The following DPPA2 variants were observed in gnomAD, a reference collection of about 807,000 sequenced individuals.
DPPA2 encodes the protein developmental pluripotency associated 2.
DPPA2 carries 26 observed loss-of-function variants against 36.2 expected under a neutral mutation model. The observed-to-expected ratio is 0.72, with a 90% CI of 0.53 to 1.00. The LOEUF is 1.00. Ranked by LOEUF, DPPA2 falls within the 50% of genes least tolerant of loss-of-function variation. The pLI is 0.00. For synonymous variants in DPPA2, 113 were observed against 123.2 expected, an observed-to-expected ratio of 0.92 and a Z score of 0.55; for missense variants, 361 against 365.1, an observed-to-expected ratio of 0.99 and a Z score of 0.09.
chr3:109,308,575 C>T (rs1707625671), intron 5 of DPPA2, among the ~76,000 whole-genome samples: 1 of 152,130 alleles, frequency 6.6e-6, no homozygotes, highest in East Asian at 1.9e-4. Flanking sequence ...TTGGTCAGGC[C>T]GGTCTCGAAC....
At chr3:109,312,791 TAGGTGG>T in intron 2 of DPPA2, 99 bp from the exon 3 acceptor site, 1 of 1,386,222 alleles carries the variant, frequency 7.2e-7, no homozygotes, top group Non-Finnish European at 9.8e-7. Context: ...GAGAAGACAG[TAGGTGG>T]ATGGAGAAAA....
intron 6 of DPPA2, among the ~76,000 whole-genome samples, chr3:109,306,440 A>G (rs944815100): frequency 1.3e-5 from 2 of 152,194 alleles, no homozygotes; most frequent in African/African-American, 4.8e-5. Context: ...TTCAACTTCA[A>G]GTCTTCCTTC....
chr3:109,296,583 G>A (rs962006787), intron 8 of DPPA2, among the ~76,000 whole-genome samples: 2 of 152,216 alleles, frequency 1.3e-5, no homozygotes, highest in Admixed American at 6.5e-5. Flanking sequence ...GCTGAGACAG[G>A]AGAATTGTTT....
At chr3:109,299,339 C>T (rs902836235) in intron 8 of DPPA2, among the ~76,000 whole-genome samples, 67 of 152,026 alleles carry the variant, frequency 4.4e-4, no homozygotes, top group African/African-American at 1.6e-3. Flanking sequence ...GGCAAAACCC[C>T]GTTTCTACTA....
chr3:109,298,467 C>G (rs576674938), intron 8 of DPPA2, among the ~76,000 whole-genome samples: 1 of 151,866 alleles, frequency 6.6e-6, no homozygotes, highest in Non-Finnish European at 1.5e-5. Flanking sequence ...GTAATCCCAG[C>G]CCTTTGGGAG....
At chr3:109,294,890 C>T (rs961947857) in intron 8 of DPPA2, among the ~76,000 whole-genome samples, 1 of 152,040 alleles carries the variant, frequency 6.6e-6, no homozygotes, top group Non-Finnish European at 1.5e-5. Flanking sequence ...GCATGGTGGC[C>T]AGTGCCTGTA....
chr3:109,296,569 G>T (rs1188305952), intron 8 of DPPA2, among the ~76,000 whole-genome samples: 1 of 152,144 alleles, frequency 6.6e-6, no homozygotes, highest in Non-Finnish European at 1.5e-5. Context: ...CAGCTGCTTG[G>T]GAGGCTGAGA....
At chr3:109,302,704 G>A (rs1028162739) in intron 7 of DPPA2, among the ~76,000 whole-genome samples, 5 of 149,590 alleles carry the variant, frequency 3.3e-5, no homozygotes, top group Admixed American at 1.3e-4. Context: ...CGCCCGCCTC[G>A]GTCTCCCAAA....
intron 3 of DPPA2, 31 bp downstream of exon 3, chr3:109,312,514 G>C (rs1553694645): frequency 6.3e-7 from 1 of 1,592,314 alleles, no homozygotes; most frequent in Non-Finnish European, 8.6e-7. Flanking sequence ...AGTTGTAGGA[G>C]TAACTAACTG....
At chr3:109,296,903 A>T (rs1393817750) in intron 8 of DPPA2, among the ~76,000 whole-genome samples, 1 of 152,068 alleles carries the variant, frequency 6.6e-6, no homozygotes, top group Non-Finnish European at 1.5e-5. Flanking sequence ...CCTGGGCAAC[A>T]TGGCAAAACC....
intron 2 of DPPA2, among the ~76,000 whole-genome samples, chr3:109,313,572 T>C (rs1428819408): frequency 6.6e-6 from 1 of 152,176 alleles, no homozygotes; most frequent in Non-Finnish European, 1.5e-5. Context: ...AGTATACTTG[T>C]AGTAATTTAT....
intron 8 of DPPA2, among the ~76,000 whole-genome samples, chr3:109,295,028 A>C (rs1707327055): frequency 6.6e-6 from 1 of 152,170 alleles, no homozygotes; most frequent in Non-Finnish European, 1.5e-5. Context: ...TCTCAAAACA[A>C]ACAAAAAACC....
chr3:109,302,754 C>CA (rs71629389), intron 7 of DPPA2, among the ~76,000 whole-genome samples: 32,978 of 93,824 alleles, frequency 0.35, 4,301 homozygotes, highest in Middle Eastern at 0.43. Flanking sequence ...AGCCCACTTA[C>CA]AAAAAAAAAA....
At chr3:109,310,372 C>T (rs1464148270) in intron 3 of DPPA2, among the ~76,000 whole-genome samples, 1 of 132,300 alleles carries the variant, frequency 7.6e-6, no homozygotes, top group Non-Finnish European at 1.5e-5. Flanking sequence ...CACACCACAG[C>T]ACTCCAGCCT....
At chr3:109,297,481 G>A (rs549433279) in intron 8 of DPPA2, among the ~76,000 whole-genome samples, 1 of 149,928 alleles carries the variant, frequency 6.7e-6, no homozygotes, top group African/African-American at 2.5e-5. Flanking sequence ...CTGAGATCAC[G>A]CCACTGCACT....
chr3:109,304,434 C>G, intron 7 of DPPA2, 41 bp downstream of exon 7: 2 of 1,544,786 alleles, frequency 1.3e-6, no homozygotes, highest in Non-Finnish European at 1.7e-6. Context: ...TATACACCTA[C>G]TTTTCTGTGT....
rs1426821018 is a variant in DPPA2 at position 109,316,516 on chromosome 3, C to T, written c.-246G>A. 3 of 152,192 alleles carry T rather than the reference C, an allele frequency of 2.0e-5. No individual in the cohort carries two copies. The highest frequency in any genetic ancestry group is 6.5e-5 in the Admixed American group (1 of 15,274). The allele number at this position is 152,192 out of a possible 1,614,324, so 9.4% of individuals were successfully genotyped here. Reference sequence around the variant, plus strand: ...GCTAGATCAGGCCATAAACAAAGGGCTTTGGAGACAGGCAGTCCGCGGCAG... The same window carrying T: ...GCTAGATCAGGCCATAAACAAAGGGTTTTGGAGACAGGCAGTCCGCGGCAG... On this transcript the variant is annotated 5_prime_UTR_variant, in exon 1 of 9. Coordinates refer to ENST00000478945, the MANE Select transcript of DPPA2 (RefSeq NM_138815.4).
rs1264441810 is a variant in DPPA2 at position 109,305,168 on chromosome 3, TAATAA to T, written c.659-503_659-499del. Among the ~76,000 whole-genome samples, 5 of 151,918 alleles carry T rather than the reference TAATAA, an allele frequency of 3.3e-5. No individual in the cohort carries two copies. The South Asian group carries it at 6.2e-4, about 19-fold the overall frequency. ...TCTCAAAAAATAATAATACTAATAA[TAATAA>T]AATAAAATAAAATAAAAAATAATGG... On this transcript the variant is annotated intron_variant, in intron 6 of 8. Coordinates refer to ENST00000478945, the MANE Select transcript of DPPA2 (RefSeq NM_138815.4).
intron 1 of DPPA2, among the ~76,000 whole-genome samples, chr3:109,316,037 G>T (rs1382156445): frequency 6.6e-6 from 1 of 152,154 alleles, no homozygotes; most frequent in Non-Finnish European, 1.5e-5. Context: ...TGAGGAATCT[G>T]TGCTTCCACA....
Sources: gnomAD v4.1 joint callset for allele counts (sites outside exome capture counted in the v4.1 genomes callset) on GRCh38, gnomAD v4.1.1 for gene constraint, MANE v1.5 for transcripts, NCBI Gene and HGNC (gene_info 2026-07-23, HGNC 2026-07-21) for gene names.